The following RAB10 variants were observed in gnomAD, a reference collection of about 807,000 sequenced individuals.
The protein encoded by RAB10 is RAB10, member RAS oncogene family, also known as ras-related protein Rab-10.
In RAB10, 5 loss-of-function variants were observed where a neutral mutation model predicts 25.7. That is an observed-to-expected ratio of 0.19 (90% CI 0.10 to 0.41). The LOEUF is 0.41. RAB10 is among the 10% of genes least tolerant of loss of function. RAB10 has a pLI of 1.00. For missense variants in RAB10, 103 were observed against 245.8 expected (o/e 0.42, Z 3.89); for synonymous variants, 89 against 86.4 (o/e 1.03, Z -0.16).
intron 2 of RAB10, among the ~76,000 whole-genome samples, chr2:26,105,120 C>G (rs533909126): frequency 6.6e-6 from 1 of 152,234 alleles, no homozygotes; most frequent in East Asian, 1.9e-4. Flanking sequence ...GTTCCAGCAC[C>G]ATTTGTTGGA....
rs527338070 is a variant in RAB10, at chr2:26,119,244, T to C, written c.328-7900T>C. On this transcript the variant is annotated intron_variant, in intron 3 of 5. Transcript: ENST00000264710. ...CAACATAGCAAGACCTCATCTCTAC[T>C]AAAAAAGTTTATTTTTTAAAGTCGG... 5.3e-5 allele frequency among the ~76,000 whole-genome samples: 8 copies of C among 152,182 alleles called. No individual in the cohort carries two copies. The East Asian group carries it at 1.2e-3, about 22-fold the overall frequency.
chr2:26,089,760 A>C (rs1194051850), intron 1 of RAB10, among the ~76,000 whole-genome samples: 1 of 152,216 alleles, frequency 6.6e-6, no homozygotes, highest in Non-Finnish European at 1.5e-5. Flanking sequence ...ATGAGAATTT[A>C]ATACTCTTAC....
At chr2:26,124,487 A>C (rs1186742602) in intron 3 of RAB10, among the ~76,000 whole-genome samples, 2 of 135,832 alleles carry the variant, frequency 1.5e-5, no homozygotes, top group Non-Finnish European at 3.0e-5. Flanking sequence ...TCCAGCCTTG[A>C]GCTCTTGGGC....
At chr2:26,107,282 C>G (rs944481023) in intron 2 of RAB10, among the ~76,000 whole-genome samples, 3 of 147,896 alleles carry the variant, frequency 2.0e-5, no homozygotes, top group African/African-American at 7.5e-5. Context: ...GTGAAGAATT[C>G]TTAGACATAA....
Position 26,067,027 on chromosome 2 carries a change from C to T in RAB10, c.128-31635C>T, listed in dbSNP as rs147319816. Among the ~76,000 whole-genome samples, 276 of 152,266 alleles carry T rather than the reference C, an allele frequency of 1.8e-3. 1 individual carries two copies. The highest frequency in any genetic ancestry group is 6.4e-3 in the African/African-American group (268 of 41,558). ...GAACTCCTGACCTCAAGTGATCCAC[C>T]TGCCTCAGCCTCCCAAAGTGCTGGG... On this transcript the variant is annotated intron_variant, in intron 1 of 5. Transcript: ENST00000264710.
intron 1 of RAB10, among the ~76,000 whole-genome samples, chr2:26,062,748 A>G (rs1003522548): frequency 3.3e-5 from 5 of 152,130 alleles, no homozygotes; most frequent in Non-Finnish European, 7.3e-5. Flanking sequence ...AACAACAACA[A>G]AAAGTTTAAA....
chr2:26,054,854 G>A (rs1021470315), intron 1 of RAB10, among the ~76,000 whole-genome samples: 1 of 151,966 alleles, frequency 6.6e-6, no homozygotes, highest in Non-Finnish European at 1.5e-5. Flanking sequence ...GATGGCACAC[G>A]CCTGTAGTCC....
At chr2:26,051,155 C>G (rs563983331) in intron 1 of RAB10, among the ~76,000 whole-genome samples, 4 of 151,696 alleles carry the variant, frequency 2.6e-5, no homozygotes, top group Non-Finnish European at 5.9e-5. Context: ...CCAGGCTGAT[C>G]TTAACTCCTG....
intron 1 of RAB10, among the ~76,000 whole-genome samples, chr2:26,064,479 G>A (rs1336274515): frequency 6.6e-6 from 1 of 151,670 alleles, no homozygotes; most frequent in Non-Finnish European, 1.5e-5. Flanking sequence ...GTGCCACCAC[G>A]CCTGGCTAAT....
chr2:26,044,909 T>C (rs1170294722), intron 1 of RAB10, among the ~76,000 whole-genome samples: 1 of 152,112 alleles, frequency 6.6e-6, no homozygotes, highest in Non-Finnish European at 1.5e-5. Context: ...TCTGAGAATT[T>C]CATTGTTATG....
chr2:26,092,261 C>CTGTG (rs56875863), intron 1 of RAB10, among the ~76,000 whole-genome samples: 259 of 130,928 alleles, frequency 2.0e-3, no homozygotes, highest in Non-Finnish European at 2.6e-3. Flanking sequence ...ATAGTGAGAG[C>CTGTG]TGTGTGTGTG....
At chr2:26,064,123 A>G (rs1255639478) in intron 1 of RAB10, among the ~76,000 whole-genome samples, 2 of 152,148 alleles carry the variant, frequency 1.3e-5, no homozygotes, top group Non-Finnish European at 2.9e-5. Context: ...TTTTGGAGAT[A>G]ATAAATTTGA....
intron 1 of RAB10, among the ~76,000 whole-genome samples, chr2:26,037,073 G>C (rs980927805): frequency 7.2e-5 from 11 of 152,112 alleles, no homozygotes; most frequent in African/African-American, 2.7e-4. Context: ...ACCACGCCTG[G>C]CTGTGTGGTC....
intron 3 of RAB10, among the ~76,000 whole-genome samples, chr2:26,124,389 C>T (rs1329083748): frequency 1.6e-3 from 31 of 19,652 alleles, no homozygotes; most frequent in South Asian, 4.4e-3. Flanking sequence ...GTTGTTGTTG[C>T]TTTTTTTTTT....
intron 5 of RAB10, among the ~76,000 whole-genome samples, chr2:26,130,509 A>C (rs1007396172): frequency 1.2e-4 from 18 of 150,960 alleles, no homozygotes; most frequent in African/African-American, 4.4e-4. Flanking sequence ...GGGTCTGACT[A>C]TGTTGCCCAG....
rs1668082178 is a variant in RAB10 at position 26,135,087 on chromosome 2, A to G, written c.*66A>G. 7.7e-7 allele frequency: 1 copy of G among 1,299,870 alleles called. No individual in the cohort carries two copies. Among genetic ancestry groups the G allele is most frequent in the Non-Finnish European group, 1.1e-6 (1 of 922,974 alleles). 80.5% of individuals were successfully genotyped at this position (1,299,870 alleles called of 1,614,324 possible). A position where few individuals can be genotyped will look rare whatever the true frequency, so the allele number is the denominator to read the frequency against. ...TTCTCTTCTTGCTGCAAAATAAACC[A>G]CTCTGTCCATTTTTAACTCTAAACA... On this transcript the variant is annotated 3_prime_UTR_variant, in exon 6 of 6. Transcript: ENST00000264710.
At chr2:26,125,842 C>T (rs1026794997) in intron 3 of RAB10, among the ~76,000 whole-genome samples, 4 of 152,008 alleles carry the variant, frequency 2.6e-5, no homozygotes, top group African/African-American at 4.8e-5. Flanking sequence ...CTCTTGATAG[C>T]GTCCTTTGTT....
intron 3 of RAB10, among the ~76,000 whole-genome samples, chr2:26,113,855 C>T (rs1259877381): frequency 6.6e-6 from 1 of 151,196 alleles, no homozygotes; most frequent in Non-Finnish European, 1.5e-5. Flanking sequence ...CAAACATATA[C>T]CCAGAAAACT....
intron 1 of RAB10, among the ~76,000 whole-genome samples, chr2:26,066,573 C>T (rs539385407): frequency 3.9e-5 from 6 of 152,078 alleles, no homozygotes; most frequent in South Asian, 4.2e-4. Context: ...GAAGGCAGGG[C>T]GGCAGGAGAG....
Sources: allele counts gnomAD v4.1 joint callset (sites outside exome capture counted in the v4.1 genomes callset), GRCh38; gene constraint gnomAD v4.1.1; transcripts MANE v1.5; gene names NCBI Gene and HGNC (gene_info 2026-07-23, HGNC 2026-07-21).